Variants in NXPH1 observed in about 807,000 individuals in gnomAD.
NXPH1 encodes the protein neurexophilin-1.
A neutral mutation model predicts 23.7 loss-of-function variants in NXPH1; 5 were observed. The ratio of observed to expected loss-of-function variants is 0.21; its 90% confidence interval spans 0.11 to 0.44. NXPH1 has a LOEUF of 0.44. Ranked by LOEUF, NXPH1 falls within the 20% of genes least tolerant of loss-of-function variation. NXPH1 has a pLI of 0.99. For missense variants in NXPH1, 324 were observed against 321.6 expected (o/e 1.01, Z -0.06); for synonymous variants, 144 against 122.2 (o/e 1.18, Z -1.18).
chr7:8,565,531 A>G (rs1000683879), intron 2 of NXPH1, among the ~76,000 whole-genome samples: 7 of 151,772 alleles, frequency 4.6e-5, no homozygotes, highest in African/African-American at 1.7e-4. Flanking sequence ...GGGTTTAGGT[A>G]TAACAAACCT....
intron 2 of NXPH1, among the ~76,000 whole-genome samples, chr7:8,554,548 A>G (rs1818326015): frequency 6.6e-6 from 1 of 151,780 alleles, no homozygotes; most frequent in Non-Finnish European, 1.5e-5. Context: ...TTAGTACATT[A>G]ATATGTGTTA....
In NXPH1 at chr7:8,532,715, C is replaced by G. The variant is rs191434118; in HGVS notation, c.54+96948C>G. Among the ~76,000 whole-genome samples the G allele has an allele frequency of 1.4e-4, 22 of 152,180 alleles. No homozygotes were observed. The East Asian group carries it at 4.1e-3, about 28-fold the overall frequency. The stretch of plus-strand genomic sequence containing the variant: ...ATTATGCTGGTGGTGGTCCTCAGAC[C>G]GTAGCGTCATTTGCGCCCTGGGTGA... On this transcript the variant is annotated intron_variant, in intron 2 of 2. Transcript: ENST00000405863.
intron 2 of NXPH1, among the ~76,000 whole-genome samples, chr7:8,472,210 C>T (rs1441044363): frequency 1.3e-5 from 2 of 152,066 alleles, no homozygotes; most frequent in African/African-American, 4.8e-5. Context: ...ACTTGTACAA[C>T]AGCTCTGCTT....
intron 2 of NXPH1, among the ~76,000 whole-genome samples, chr7:8,518,682 T>C (rs898807283): frequency 6.6e-6 from 1 of 151,914 alleles, no homozygotes. Context: ...GATGAGGTCT[T>C]CCTATGTCTC....
At chr7:8,746,263 C>T (rs1447381968) in intron 2 of NXPH1, among the ~76,000 whole-genome samples, 1 of 152,152 alleles carries the variant, frequency 6.6e-6, no homozygotes, top group Non-Finnish European at 1.5e-5. Flanking sequence ...CTCTTTTAGA[C>T]ATTGCCCTAC....
chr7:8,495,206 A>T, intron 2 of NXPH1, among the ~76,000 whole-genome samples: 1 of 151,770 alleles, frequency 6.6e-6, no homozygotes, highest in Non-Finnish European at 1.5e-5. Flanking sequence ...ACTAGGATTG[A>T]TGTTGCAGTC....
intron 2 of NXPH1, among the ~76,000 whole-genome samples, chr7:8,455,633 G>T (rs1053942275): frequency 1.3e-5 from 2 of 152,166 alleles, no homozygotes; most frequent in Non-Finnish European, 2.9e-5. Flanking sequence ...GAAAGGATCA[G>T]AATTTGAGCA....
At chr7:8,569,007 T>C (rs1182006098) in intron 2 of NXPH1, among the ~76,000 whole-genome samples, 1 of 151,918 alleles carries the variant, frequency 6.6e-6, no homozygotes, top group Non-Finnish European at 1.5e-5. Context: ...ATATTGACCC[T>C]TGACAATATA....
chr7:8,743,974 G>A (rs192976150), intron 2 of NXPH1, among the ~76,000 whole-genome samples: 2 of 152,192 alleles, frequency 1.3e-5, no homozygotes, highest in Admixed American at 6.5e-5. Context: ...ATGAGCCACC[G>A]CGCCCTGCCA....
chr7:8,437,012 C>T (rs957712606), intron 2 of NXPH1, among the ~76,000 whole-genome samples: 1 of 152,224 alleles, frequency 6.6e-6, no homozygotes, highest in East Asian at 1.9e-4. Flanking sequence ...ATTTCAGCTT[C>T]AATCCAAGAA....
intron 2 of NXPH1, among the ~76,000 whole-genome samples, chr7:8,689,494 A>G (rs73676140): frequency 0.027 from 4,110 of 152,262 alleles, 66 homozygotes; most frequent in Middle Eastern, 0.051. Context: ...CTCGCTATGC[A>G]TAGGCCTGAA....
intron 2 of NXPH1, among the ~76,000 whole-genome samples, chr7:8,459,730 C>A (rs1196611295): frequency 2.0e-5 from 3 of 152,072 alleles, no homozygotes; most frequent in East Asian, 3.9e-4. Context: ...TAAGGAAAAT[C>A]TAGGGGAAAA....
At chr7:8,727,168 A>G (rs1470410201) in intron 2 of NXPH1, among the ~76,000 whole-genome samples, 1 of 137,044 alleles carries the variant, frequency 7.3e-6, no homozygotes, top group Non-Finnish European at 1.5e-5. Flanking sequence ...TCCTTCGCCC[A>G]CTTTTTGATG....
At chr7:8,539,405 T>G (rs1818075796) in intron 2 of NXPH1, among the ~76,000 whole-genome samples, 2 of 151,850 alleles carry the variant, frequency 1.3e-5, no homozygotes, top group Non-Finnish European at 2.9e-5. Flanking sequence ...TTATGAACTG[T>G]TTGACTTTTA....
chr7:8,581,086 C>T (rs1292351334), intron 2 of NXPH1, among the ~76,000 whole-genome samples: 1 of 152,184 alleles, frequency 6.6e-6, no homozygotes, highest in Non-Finnish European at 1.5e-5. Context: ...TTCTAGAAAT[C>T]TTTGGTCTAC....
At chr7:8,727,207 G>T (rs1445225679) in intron 2 of NXPH1, among the ~76,000 whole-genome samples, 1 of 130,586 alleles carries the variant, frequency 7.7e-6, no homozygotes, top group African/African-American at 3.3e-5. Flanking sequence ...TTGTAAATTT[G>T]TTTGAGTTCA....
At chr7:8,686,442 T>A (rs1285170657) in intron 2 of NXPH1, among the ~76,000 whole-genome samples, 1 of 152,148 alleles carries the variant, frequency 6.6e-6, no homozygotes. Context: ...GCAGAAAATA[T>A]CAGGTGTATT....
At chr7:8,655,156 A>G (rs961103442) in intron 2 of NXPH1, among the ~76,000 whole-genome samples, 2 of 152,048 alleles carry the variant, frequency 1.3e-5, no homozygotes, top group Non-Finnish European at 2.9e-5. Context: ...AGGCCAAGGT[A>G]GGTGGATTGC....
intron 2 of NXPH1, among the ~76,000 whole-genome samples, chr7:8,603,036 T>C (rs973617245): frequency 1.3e-5 from 2 of 152,050 alleles, no homozygotes; most frequent in Admixed American, 6.6e-5. Context: ...GTCTCGAACT[T>C]CTAGCCTCAG....
Sources: allele counts gnomAD v4.1 joint callset (sites outside exome capture counted in the v4.1 genomes callset), GRCh38; gene constraint gnomAD v4.1.1; transcripts MANE v1.5; gene names NCBI Gene and HGNC (gene_info 2026-07-23, HGNC 2026-07-21).